Variants in FBXO34 observed in about 807,000 individuals in gnomAD.
FBXO34 encodes the protein F-box only protein 34.
FBXO34 carries 12 observed loss-of-function variants against 24.5 expected under a neutral mutation model. The ratio of observed to expected loss-of-function variants is 0.49; its 90% CI spans 0.31 to 0.79. FBXO34 has a LOEUF of 0.79. Ranked by LOEUF, FBXO34 falls within the 30% of genes least tolerant of loss-of-function variation. FBXO34 has a pLI of 0.04. For missense variants in FBXO34, 823 were observed against 857.7 expected, an observed-to-expected ratio of 0.96 and a Z score of 0.51; for synonymous variants, 320 against 311.9, an observed-to-expected ratio of 1.03 and a Z score of -0.27.
At chr14:55,414,119 G>A in the FBXO34 span, 3 of 561,898 alleles carry the variant, frequency 5.3e-6, no homozygotes, top group Non-Finnish European at 1.0e-5. Flanking sequence ...GAGTCTTCAT[G>A]ATGCTACAAT....
chr14:55,288,459 T>G (rs1881835540), intron 1 of FBXO34, among the ~76,000 whole-genome samples: 1 of 152,164 alleles, frequency 6.6e-6, no homozygotes, highest in Admixed American at 6.5e-5. Flanking sequence ...ACTCTTGTTG[T>G]GTTGTTTATG....
chr14:55,414,246 T>A, the FBXO34 span: 1 of 675,214 alleles, frequency 1.5e-6, no homozygotes. Flanking sequence ...CTTAGGTTAC[T>A]TACACAGAGT....
the FBXO34 span, chr14:55,424,325 G>A: frequency 1.1e-6 from 1 of 899,548 alleles, no homozygotes. Context: ...GTAAGGCCCA[G>A]TATATTAAAG....
At chr14:55,347,283 C>G (rs1386367172) in intron 1 of FBXO34, among the ~76,000 whole-genome samples, 1 of 152,164 alleles carries the variant, frequency 6.6e-6, no homozygotes, top group Non-Finnish European at 1.5e-5. Context: ...TGGGAAAGTG[C>G]CACCATCTGT....
rs386381425 is a variant in FBXO34, at chr14:55,327,908, G to GTTTTTTTTTTTTTTTTTTT, written c.-10-22456_-10-22438dup. 2.3e-4 allele frequency among the ~76,000 whole-genome samples: 11 copies of GTTTTTTTTTTTTTTTTTTT among 48,730 alleles called. 2 individuals are homozygous for GTTTTTTTTTTTTTTTTTTT. The highest frequency in any genetic ancestry group is 3.5e-4 in the Non-Finnish European group (10 of 28,544). The allele number at this position is 48,730 out of a possible 152,430, so 32.0% of individuals were successfully genotyped here. ...CATATGATTTTCTTTGTTGTTGTTGGTTTTTTTTTTTTTTTTTTTTTTTTT... is the reference window on the plus strand; with the variant it reads ...CATATGATTTTCTTTGTTGTTGTTGGTTTTTTTTTTTTTTTTTTTTTTTTTTTTTTTTTTTTTTTTTTTT... On this transcript the variant is annotated intron_variant, in intron 1 of 1. Transcript: ENST00000313833.
chr14:55,369,938 A>G (rs142201453), downstream of FBXO34: 3 of 1,578,766 alleles, frequency 1.9e-6, no homozygotes, highest in Non-Finnish European at 2.6e-6. Context: ...GTGTGCAGAC[A>G]ATGAGGGTCT....
At chr14:55,333,022 C>G (rs982265044) in intron 1 of FBXO34, among the ~76,000 whole-genome samples, 2 of 152,146 alleles carry the variant, frequency 1.3e-5, no homozygotes, top group African/African-American at 2.4e-5. Context: ...TTCCTTCCAG[C>G]TCAGGTGCTG....
chr14:55,370,704 C>A (rs1884795626), downstream of FBXO34, among the ~76,000 whole-genome samples: 2 of 151,882 alleles, frequency 1.3e-5, no homozygotes, highest in Non-Finnish European at 2.9e-5. Context: ...TGCAGTGGCG[C>A]CATCTTGGCT....
At chr14:55,380,303 A>C in the FBXO34 span, among the ~76,000 whole-genome samples, 1 of 152,126 alleles carries the variant, frequency 6.6e-6, no homozygotes, top group South Asian at 2.1e-4. Flanking sequence ...CTGCGATTTA[A>C]CATATGAGGA....
At chr14:55,380,875 A>ATATTTT in the FBXO34 span, among the ~76,000 whole-genome samples, 2 of 112,732 alleles carry the variant, frequency 1.8e-5, no homozygotes, top group African/African-American at 7.6e-5. Context: ...ATATATATAT[A>ATATTTT]TTTTTTTTTT....
the FBXO34 span, among the ~76,000 whole-genome samples, chr14:55,385,084 G>A: frequency 6.6e-6 from 1 of 152,154 alleles, no homozygotes; most frequent in Non-Finnish European, 1.5e-5. Flanking sequence ...ACCAGGAAAA[G>A]GCTAAGCCAA....
chr14:55,411,849 G>T, the FBXO34 span: 9 of 1,551,368 alleles, frequency 5.8e-6, no homozygotes, highest in African/African-American at 1.4e-5. Context: ...AGCCAGTCAC[G>T]TGGGATTTTG....
Position 55,351,130 on chromosome 14 carries a change from C to T in FBXO34, c.740C>T (p.Ala247Val), listed in dbSNP as rs1884350294. 1 of 1,614,208 alleles carries T rather than the reference C, an allele frequency of 6.2e-7. No homozygotes were observed. The highest frequency in any genetic ancestry group is 8.5e-7 in the Non-Finnish European group (1 of 1,180,042). Reference protein sequence around the residue: ...RFSGQSRGVPAVSESYSAPGA... With the variant: ...RFSGQSRGVPVVSESYSAPGA... ...TCTGGCCAATCCAGAGGTGTGCCTG[C>T]AGTGTCTGAGTCCTATTCTGCCCCA... Residue 247 changes from alanine to valine, a missense_variant, in exon 2 of 2, where the codon GCA becomes GTA. Ala to Val is a moderately conservative substitution (Grantham distance 64, BLOSUM62 0). Coordinates refer to ENST00000313833, the MANE Select transcript of FBXO34 (RefSeq NM_017943.4).
chr14:55,337,208 A>G (rs1473214736), intron 1 of FBXO34, among the ~76,000 whole-genome samples: 1 of 152,034 alleles, frequency 6.6e-6, no homozygotes, highest in Non-Finnish European at 1.5e-5. Flanking sequence ...TCCTGAACTC[A>G]AGGGATTCAC....
chr14:55,411,654 T>G, the FBXO34 span: 3 of 1,613,506 alleles, frequency 1.9e-6, no homozygotes, highest in Non-Finnish European at 2.5e-6. Context: ...TGAACGCATT[T>G]GGCGCAGGTC....
intron 1 of FBXO34, among the ~76,000 whole-genome samples, chr14:55,344,999 G>A (rs1012785154): frequency 4.6e-5 from 7 of 152,152 alleles, no homozygotes; most frequent in African/African-American, 1.4e-4. Flanking sequence ...GGACATTTCT[G>A]ATAATAAACG....
the FBXO34 span, among the ~76,000 whole-genome samples, chr14:55,404,108 C>G: frequency 6.6e-6 from 1 of 152,150 alleles, no homozygotes; most frequent in African/African-American, 2.4e-5. Context: ...TAGATCAGCT[C>G]AAGAGGAGTT....
the FBXO34 span, among the ~76,000 whole-genome samples, chr14:55,391,879 C>T: frequency 1.3e-5 from 2 of 152,158 alleles, no homozygotes; most frequent in African/African-American, 4.8e-5. Flanking sequence ...TGGCAAAAAA[C>T]ATTATTTTTT....
At chr14:55,402,926 A>AATATATATATATATATATAT in the FBXO34 span, among the ~76,000 whole-genome samples, 1 of 16,402 alleles carries the variant, frequency 6.1e-5, no homozygotes, top group South Asian at 4.0e-3. Context: ...AAAAAAAAAA[A>AATATATATATATATATATAT]ATATATATAT....
Sources: gnomAD v4.1 joint callset for allele counts (sites outside exome capture counted in the v4.1 genomes callset) on GRCh38, gnomAD v4.1.1 for gene constraint, MANE v1.5 for transcripts, NCBI Gene and HGNC (gene_info 2026-07-23, HGNC 2026-07-21) for gene names.